DHCR7: variants seen among roughly 807,000 people sequenced by gnomAD.
DHCR7 encodes 7-dehydrocholesterol reductase, also known as 7-DHC reductase.
In DHCR7, 40 loss-of-function variants were observed where a neutral mutation model predicts 43.3. That is an observed-to-expected ratio of 0.92 (90% CI 0.72 to 1.20). The LOEUF (loss-of-function observed/expected upper bound fraction) is 1.20. Among genes scored for constraint, DHCR7 ranks in the 50% most tolerant of loss-of-function variants. The pLI is 0.00. For synonymous variants in DHCR7, 298 were observed against 271.4 expected (o/e 1.10, Z -0.96); for missense variants, 608 against 644.6 (o/e 0.94, Z 0.62).
At chr11:71,431,021 G>T (rs1949225385), downstream of DHCR7, among the ~76,000 whole-genome samples, 1 of 152,198 alleles carries the variant, frequency 6.6e-6, no homozygotes, top group Non-Finnish European at 1.5e-5. Context: ...CGGGTATGGT[G>T]GTGCATGCCT....
chr11:71,443,591 T>C (rs1949370860), intron 4 of DHCR7, among the ~76,000 whole-genome samples: 2 of 152,180 alleles, frequency 1.3e-5, no homozygotes, highest in South Asian at 4.1e-4. Flanking sequence ...CTGAGTGGCA[T>C]CTCATGACTG....
At position 71,435,803 on chromosome 11, in the gene DHCR7, T is replaced by C. The variant is rs757518371; in HGVS notation, c.1000A>G (p.Thr334Ala). Reference sequence around the variant, plus strand: ...AGCAGGACGCCCACGGCGTGCGGGGTGGACAGCTGCACGGGGTGGTACACC... The same window carrying C: ...AGCAGGACGCCCACGGCGTGCGGGGCGGACAGCTGCACGGGGTGGTACACC... ...YLVYHPVQLS[T>A]PHAVGVLLLG... Residue 334 changes from threonine to alanine, a missense_variant, in exon 9 of 9, where the codon ACC becomes GCC. By Grantham distance (58) the Thr-to-Ala change is moderately conservative. Transcript: ENST00000355527. The C allele has an allele frequency of 6.2e-6, 10 of 1,606,656 alleles. No homozygotes were observed. Among genetic ancestry groups the C allele is most frequent in the Non-Finnish European group, 6.8e-6 (8 of 1,175,668 alleles).
chr11:71,427,551 G>A (rs1379345086), downstream of DHCR7, among the ~76,000 whole-genome samples: 1 of 152,014 alleles, frequency 6.6e-6, no homozygotes, highest in East Asian at 1.9e-4. Flanking sequence ...TTTTTTTGTA[G>A]ACTTCTTAGG....
At chr11:71,443,934 C>A in intron 4 of DHCR7, 59 bp downstream of exon 4, 1 of 1,398,588 alleles carries the variant, frequency 7.2e-7, no homozygotes, top group Admixed American at 2.0e-5. Flanking sequence ...AGGACTACCC[C>A]AGCAGGAGGG....
chr11:71,437,278 G>A (rs576894855), intron 8 of DHCR7, among the ~76,000 whole-genome samples: 1 of 152,296 alleles, frequency 6.6e-6, no homozygotes, highest in South Asian at 2.1e-4. Flanking sequence ...AAGTGCCCTG[G>A]GGTGAGTTAT....
chr11:71,437,386 G>C (rs959991557), intron 8 of DHCR7, among the ~76,000 whole-genome samples: 32 of 152,324 alleles, frequency 2.1e-4, no homozygotes, highest in African/African-American at 7.2e-4. Context: ...CCAAATCAGA[G>C]CAGGGCTGCT....
intron 6 of DHCR7, among the ~76,000 whole-genome samples, chr11:71,440,757 G>GGATGAGTGGACAGA (rs1949340190): frequency 6.6e-6 from 1 of 151,874 alleles, no homozygotes; most frequent in African/African-American, 2.4e-5. Flanking sequence ...GCAGGTGAAT[G>GGATGAGTGGACAGA]GATGAGTGGA....
downstream of DHCR7, among the ~76,000 whole-genome samples, chr11:71,427,897 G>A (rs1949208073): frequency 6.6e-6 from 1 of 152,110 alleles, no homozygotes; most frequent in African/African-American, 2.4e-5. Flanking sequence ...CTTGGCATGT[G>A]TCAAAATTCT....
At chr11:71,446,418 CTATT>C (rs1949403600) in intron 2 of DHCR7, among the ~76,000 whole-genome samples, 1 of 152,174 alleles carries the variant, frequency 6.6e-6, no homozygotes, top group Admixed American at 6.5e-5. Flanking sequence ...TATACTCTGA[CTATT>C]TATTGACTAT....
chr11:71,436,982 C>T (rs1303012355), intron 8 of DHCR7, among the ~76,000 whole-genome samples: 1 of 152,246 alleles, frequency 6.6e-6, no homozygotes, highest in Non-Finnish European at 1.5e-5. Flanking sequence ...AGCAGACCTG[C>T]AGCCAGCCAG....
At chr11:71,436,056 T>C in intron 8 of DHCR7, 1 of 599,982 alleles carries the variant, frequency 1.7e-6, no homozygotes, top group Non-Finnish European at 3.0e-6. Flanking sequence ...TCTGTGTGTG[T>C]ATGTGTGTGT....
intron 4 of DHCR7, among the ~76,000 whole-genome samples, chr11:71,443,038 A>C (rs1422141351): frequency 6.6e-6 from 1 of 152,172 alleles, no homozygotes; most frequent in Non-Finnish European, 1.5e-5. Flanking sequence ...TTGCATATAA[A>C]GGGAACCACA....
chr11:71,442,956 T>C (rs1949364353), intron 4 of DHCR7, among the ~76,000 whole-genome samples: 1 of 152,256 alleles, frequency 6.6e-6, no homozygotes, highest in South Asian at 2.1e-4. Flanking sequence ...CCGGTCACTC[T>C]GAATTCCCTG....
intron 6 of DHCR7, among the ~76,000 whole-genome samples, chr11:71,440,430 C>T (rs372626672): frequency 6.8e-5 from 8 of 116,910 alleles, no homozygotes; most frequent in African/African-American, 2.1e-4. Flanking sequence ...GGTAGACAGA[C>T]GGGGTGGAGG....
chr11:71,429,418 G>A (rs985552006), downstream of DHCR7, among the ~76,000 whole-genome samples: 5 of 152,192 alleles, frequency 3.3e-5, no homozygotes, highest in African/African-American at 4.8e-5. Flanking sequence ...GTGGGCGGGG[G>A]CAGGAGGCAG....
chr11:71,446,610 A>G (rs373261775), intron 2 of DHCR7, among the ~76,000 whole-genome samples: 1 of 152,244 alleles, frequency 6.6e-6, no homozygotes, highest in African/African-American at 2.4e-5. Flanking sequence ...GCCTTTTAAC[A>G]CTGATTTTTA....
Position 71,441,424 on chromosome 11 carries a change from A to G in DHCR7, c.429T>C (p.Tyr143=). 3.1e-6 allele frequency: 5 copies of G among 1,613,224 alleles called. No homozygotes were observed. Among genetic ancestry groups the G allele is most frequent in the Non-Finnish European group, 4.2e-6 (5 of 1,179,464 alleles). The change falls in exon 6 of 9, where the codon TAT becomes TAC. Residue 143 remains tyrosine (Y), a synonymous_variant. Coordinates refer to ENST00000355527, the MANE Select transcript of DHCR7 (RefSeq NM_001360.3). ...AVTPAGVVNK[Y]QINGLQAWLL... is the part of the protein sequence containing the mutation. ...GCCAGGCTTGCAGGCCATTGATCTG[A>G]TACTTGTTCACAACCCCTGCAGATG...
chr11:71,435,518 G>A lies in DHCR7; in HGVS notation c.1285C>T (p.Pro429Ser). 1 of 1,611,400 alleles carries A rather than the reference G, an allele frequency of 6.2e-7. No individual in the cohort carries two copies. The highest frequency in any genetic ancestry group is 1.3e-5 in the African/African-American group (1 of 75,064). Residue 429 changes from proline (P) to serine (S), a missense_variant, in exon 9 of 9, where the codon CCC (proline) becomes TCC (serine). By Grantham distance (74) the Pro-to-Ser change is moderately conservative. Coordinates refer to ENST00000355527, the MANE Select transcript of DHCR7 (RefSeq NM_001360.3). ...CLACGGGHLL[P>S]YFYIIYMAIL... ...GCCATGTAGATGATGTAGAAGTAGG[G>A]CAGCAGGTGGCCGCCGCCACAGGCC...
At chr11:71,432,410 AT>A (rs1262328491), downstream of DHCR7, among the ~76,000 whole-genome samples, 6 of 152,172 alleles carry the variant, frequency 3.9e-5, no homozygotes, top group African/African-American at 1.2e-4. Flanking sequence ...GGTCATTTAT[AT>A]TTTTTAATGG....
Sources: gnomAD v4.1 joint callset for allele counts (sites outside exome capture counted in the v4.1 genomes callset) on GRCh38, gnomAD v4.1.1 for gene constraint, MANE v1.5 for transcripts, NCBI Gene and HGNC (gene_info 2026-07-23, HGNC 2026-07-21) for gene names.